The following TEX264 variants were observed in gnomAD, a reference collection of about 807,000 sequenced individuals.
TEX264 encodes the protein testis-expressed protein 264.
In TEX264, 13 loss-of-function variants were observed where a neutral mutation model predicts 23.4. The observed-to-expected ratio is 0.56, with a 90% CI of 0.36 to 0.88. TEX264 has a LOEUF of 0.88. TEX264 is among the 40% of genes least tolerant of loss of function. The probability of loss-of-function intolerance (pLI) is 0.01; values close to 1 mark genes in which losing one functional copy is unlikely to be tolerated. For missense variants in TEX264, 340 were observed against 406.8 expected, an observed-to-expected ratio of 0.84 and a Z score of 1.41; for synonymous variants, 159 against 170.0, an observed-to-expected ratio of 0.94 and a Z score of 0.50.
At chr3:51,693,226 T>A (rs1362722583) in intron 3 of TEX264, among the ~76,000 whole-genome samples, 2 of 151,968 alleles carry the variant, frequency 1.3e-5, no homozygotes, top group East Asian at 3.9e-4. Context: ...GGCTCTGAGG[T>A]GAAAATGAAA....
In TEX264 at chr3:51,703,912, G is replaced by A. The variant is rs1270179741; in HGVS notation, c.838G>A (p.Gly280Ser). ...GSSFEELDLE[G>S]EGPLGESRLD... ...CTCTTTTGAGGAGCTGGACTTGGAG[G>A]GCGAGGGGCCCTTAGGGGAGTCACG... Residue 280 changes from glycine to serine, a missense_variant, in exon 5 of 5, where the codon GGC (glycine) becomes AGC (serine). Coordinates refer to ENST00000341333, the MANE Select transcript of TEX264 (RefSeq NM_015926.6). The surrounding 1 kb of genome is among the most constrained non-coding windows in gnomAD (Gnocchi z 4.8). The A allele has an allele frequency of 6.2e-7, 1 of 1,609,748 alleles. No homozygotes were observed. The highest frequency in any genetic ancestry group is 8.5e-7 in the Non-Finnish European group (1 of 1,177,034).
At chr3:51,684,341 G>C in intron 2 of TEX264, 72 bp from the exon 3 acceptor site, 1 of 1,415,074 alleles carries the variant, frequency 7.1e-7, no homozygotes, top group Non-Finnish European at 9.9e-7. Context: ...ATCTGGCACA[G>C]TCCCAGGAGG....
chr3:51,694,067 T>C (rs1702947677), intron 3 of TEX264, among the ~76,000 whole-genome samples: 1 of 108,336 alleles, frequency 9.2e-6, no homozygotes, highest in African/African-American at 3.4e-5. Flanking sequence ...TTCCCTTCCC[T>C]TCCCCTTCCT....
At chr3:51,673,685 G>A (rs988603109) in intron 1 of TEX264, among the ~76,000 whole-genome samples, 1 of 152,202 alleles carries the variant, frequency 6.6e-6, no homozygotes, top group South Asian at 2.1e-4. Flanking sequence ...CTGCAGGCCA[G>A]ATGTACTTAG....
intron 1 of TEX264, among the ~76,000 whole-genome samples, chr3:51,673,922 CA>C (rs1440183304): frequency 6.6e-6 from 1 of 152,110 alleles, no homozygotes; most frequent in Non-Finnish European, 1.5e-5. Context: ...GTATCTGGTA[CA>C]TCTTCGGGGA....
At chr3:51,694,033 TCCTTCCTTCCTTCCTC>T (rs1359254008) in intron 3 of TEX264, among the ~76,000 whole-genome samples, 7 of 130,966 alleles carry the variant, frequency 5.3e-5, no homozygotes, top group East Asian at 2.2e-4. Context: ...CTTCCTTCCT[TCCTTCCTTCCTTCCTC>T]CCTTCCCTTC....
At chr3:51,687,993 A>G (rs1346893115) in intron 3 of TEX264, among the ~76,000 whole-genome samples, 1 of 152,166 alleles carries the variant, frequency 6.6e-6, no homozygotes, top group Non-Finnish European at 1.5e-5. Flanking sequence ...GCAAACTGCT[A>G]TAGATGCTGG....
intron 2 of TEX264, among the ~76,000 whole-genome samples, chr3:51,676,656 A>C (rs1702240098): frequency 1.3e-5 from 2 of 152,212 alleles, no homozygotes; most frequent in Non-Finnish European, 2.9e-5. Context: ...TTGTCTGCAG[A>C]GTAATGATAA....
intron 4 of TEX264, among the ~76,000 whole-genome samples, chr3:51,702,519 C>T (rs1462505529): frequency 6.6e-6 from 1 of 152,154 alleles, no homozygotes; most frequent in African/African-American, 2.4e-5. Flanking sequence ...CAACCTAGGC[C>T]CCATTTGAGG....
At chr3:51,676,461 C>T (rs1264061558) in intron 2 of TEX264, among the ~76,000 whole-genome samples, 1 of 152,096 alleles carries the variant, frequency 6.6e-6, no homozygotes, top group Non-Finnish European at 1.5e-5. Flanking sequence ...TGTGGTGGAC[C>T]CCATGGGGTG....
At chr3:51,674,173 G>A (rs1702150428) in intron 1 of TEX264, 98 bp from the exon 2 acceptor site, 1 of 1,310,944 alleles carries the variant, frequency 7.6e-7, no homozygotes, top group Non-Finnish European at 1.1e-6. Flanking sequence ...AGCACCCAAG[G>A]CAGGTCTGAG....
intron 3 of TEX264, among the ~76,000 whole-genome samples, chr3:51,693,817 A>G (rs1702920439): frequency 6.6e-6 from 1 of 152,114 alleles, no homozygotes; most frequent in African/African-American, 2.4e-5. Flanking sequence ...TGTTGCACAG[A>G]AAAATGGGCT....
chr3:51,691,942 G>A lies in TEX264; in HGVS notation c.480+7308G>A, dbSNP rs1476873332. ...CGGCTCCCCTTAGGGAGCTACCCTTGGGTATTGAGGTGTTGGGAGCCAGGC... is the reference window on the plus strand; with the variant it reads ...CGGCTCCCCTTAGGGAGCTACCCTTAGGTATTGAGGTGTTGGGAGCCAGGC... On this transcript the variant is annotated intron_variant, in intron 3 of 4. Coordinates refer to ENST00000341333, the MANE Select transcript of TEX264 (RefSeq NM_015926.6). This position sits in a 1 kb window ranked among gnomAD's most constrained non-coding sequence, Gnocchi z 4.4. Among the ~76,000 whole-genome samples the A allele has an allele frequency of 6.6e-6, 1 of 152,214 alleles. No individual in the cohort carries two copies. Among genetic ancestry groups the A allele is most frequent in the African/African-American group, 2.4e-5 (1 of 41,454 alleles).
intron 3 of TEX264, among the ~76,000 whole-genome samples, 162 bp from the exon 4 acceptor site, chr3:51,699,244 A>G (rs1475376873): frequency 6.6e-6 from 1 of 152,008 alleles, no homozygotes; most frequent in Non-Finnish European, 1.5e-5. Context: ...AGGGTGATCT[A>G]TGTGTGCCTC....
chr3:51,696,490 C>T (rs1703062603), intron 3 of TEX264, among the ~76,000 whole-genome samples: 1 of 152,222 alleles, frequency 6.6e-6, no homozygotes, highest in Admixed American at 6.5e-5. Context: ...TGAGAGCCAG[C>T]CCATGGTCAC....
intron 3 of TEX264, among the ~76,000 whole-genome samples, chr3:51,692,808 G>A (rs1311124518): frequency 6.6e-6 from 1 of 152,252 alleles, no homozygotes; most frequent in African/African-American, 2.4e-5. Flanking sequence ...GCAAGGGAGA[G>A]CAATGGGATC....
At chr3:51,674,160 C>T in intron 1 of TEX264, 111 bp from the exon 2 acceptor site, 1 of 1,155,190 alleles carries the variant, frequency 8.7e-7, no homozygotes. Context: ...CTTTCTGGGT[C>T]AGAGCACCCA....
intron 3 of TEX264, among the ~76,000 whole-genome samples, chr3:51,698,924 T>A (rs561880370): frequency 6.6e-6 from 1 of 152,250 alleles, no homozygotes; most frequent in South Asian, 2.1e-4. Context: ...GGGGTGCTGG[T>A]CTTCTGATAT....
At chr3:51,674,104 G>A (rs544960324) in intron 1 of TEX264, among the ~76,000 whole-genome samples, 167 bp from the exon 2 acceptor site, 2 of 152,318 alleles carry the variant, frequency 1.3e-5, no homozygotes, top group African/African-American at 4.8e-5. Flanking sequence ...CATCCTTGTA[G>A]CTCCCTTCCA....
Sources: allele counts gnomAD v4.1 joint callset (sites outside exome capture counted in the v4.1 genomes callset), GRCh38; gene constraint gnomAD v4.1.1; non-coding constraint Gnocchi (gnomAD v3.1); transcripts MANE v1.5; gene names NCBI Gene and HGNC (gene_info 2026-07-23, HGNC 2026-07-21).